The following NELL1 variants were observed in gnomAD, a reference collection of about 807,000 sequenced individuals.
NELL1 encodes the protein protein kinase C-binding protein NELL1.
Under a neutral mutation model 107.4 loss-of-function variants are expected in NELL1, and 76 were observed. The observed-to-expected ratio is 0.71, with a 90% CI of 0.59 to 0.86. The LOEUF is 0.86. NELL1 is among the 40% of genes least tolerant of loss of function. The pLI, the probability that NELL1 is intolerant of heterozygous loss-of-function variation, is 0.00. For missense variants in NELL1, 1,024 were observed against 1,005.5 expected (o/e 1.02, Z -0.25); for synonymous variants, 353 against 341.2 (o/e 1.03, Z -0.38).
At chr11:21,246,070 G>C (rs1858483591) in intron 14 of NELL1, among the ~76,000 whole-genome samples, 1 of 151,944 alleles carries the variant, frequency 6.6e-6, no homozygotes, top group Non-Finnish European at 1.5e-5. Context: ...ATATAGTAAA[G>C]TATGACCATA....
In NELL1 at chr11:21,074,388, A is replaced by G. The variant is rs181458561; in HGVS notation, c.1301-39201A>G. Among the ~76,000 whole-genome samples the G allele has an allele frequency of 2.7e-5, 4 of 149,398 alleles. No homozygotes were observed. The East Asian group carries it at 5.8e-4, about 22-fold the overall frequency. On this transcript the variant is annotated intron_variant, in intron 12 of 19. Transcript: ENST00000357134. ...GGTATTTGTTAAATTTAATTAAAAC[A>G]TTTTTTTAACAGTAACTCAGATCTA... is the stretch of plus-strand genomic sequence containing the variant.
intron 12 of NELL1, among the ~76,000 whole-genome samples, chr11:21,080,391 C>A (rs997209264): frequency 1.3e-5 from 2 of 151,878 alleles, no homozygotes; most frequent in South Asian, 4.1e-4. Context: ...AAAATATGTA[C>A]GTATAGATTT....
At chr11:21,461,356 T>C (rs1407246565) in intron 15 of NELL1, among the ~76,000 whole-genome samples, 1 of 152,100 alleles carries the variant, frequency 6.6e-6, no homozygotes, top group African/African-American at 2.4e-5. Context: ...ATAAGAAAGG[T>C]TCTGAGCAGT....
At chr11:20,708,803 G>A (rs1855039872) in intron 2 of NELL1, among the ~76,000 whole-genome samples, 1 of 152,148 alleles carries the variant, frequency 6.6e-6, no homozygotes, top group South Asian at 2.1e-4. Context: ...CTAAGCGAAT[G>A]TCTGGAACAG....
At chr11:20,745,240 C>T (rs1243778655) in intron 2 of NELL1, among the ~76,000 whole-genome samples, 2 of 152,090 alleles carry the variant, frequency 1.3e-5, no homozygotes, top group South Asian at 2.1e-4. Flanking sequence ...TTTGTCCAGC[C>T]ATCTAATTTT....
At chr11:21,169,818 C>G (rs1301610080) in intron 13 of NELL1, 5 of 1,402,622 alleles carry the variant, frequency 3.6e-6, no homozygotes, top group Non-Finnish European at 5.0e-6. Flanking sequence ...AATCAGCCTG[C>G]TGAGCCCGAT....
At chr11:21,456,154 A>G (rs1319110604) in intron 15 of NELL1, among the ~76,000 whole-genome samples, 2 of 151,898 alleles carry the variant, frequency 1.3e-5, no homozygotes, top group African/African-American at 2.4e-5. Context: ...CAGCCTCCCA[A>G]AGTGCTGGGA....
At chr11:21,324,578 T>C (rs1325036173) in intron 14 of NELL1, among the ~76,000 whole-genome samples, 3 of 152,080 alleles carry the variant, frequency 2.0e-5, no homozygotes, top group Non-Finnish European at 4.4e-5. Flanking sequence ...TCAGTCAACA[T>C]TGATGTTTTG....
chr11:21,538,105 A>T (rs575135145), intron 16 of NELL1, among the ~76,000 whole-genome samples: 1 of 152,218 alleles, frequency 6.6e-6, no homozygotes, highest in Admixed American at 6.5e-5. Flanking sequence ...TCAGCATCTA[A>T]AATAACCCTT....
At chr11:21,344,522 TTC>T (rs1491337930) in intron 14 of NELL1, among the ~76,000 whole-genome samples, 1 of 152,188 alleles carries the variant, frequency 6.6e-6, no homozygotes, top group Non-Finnish European at 1.5e-5. Flanking sequence ...TCTTTTTTTT[TTC>T]TCTGTTTAAA....
intron 12 of NELL1, among the ~76,000 whole-genome samples, chr11:21,029,744 A>G (rs1188764867): frequency 6.6e-6 from 1 of 152,186 alleles, no homozygotes; most frequent in African/African-American, 2.4e-5. Flanking sequence ...GGTTGAATAA[A>G]GGGCATGGAA....
intron 3 of NELL1, among the ~76,000 whole-genome samples, chr11:20,814,457 C>T (rs1046482788): frequency 9.2e-5 from 14 of 152,294 alleles, no homozygotes; most frequent in Non-Finnish European, 1.3e-4. Flanking sequence ...ACCCTCCCAC[C>T]GCTCTAAATA....
At chr11:21,296,775 G>A (rs1849384622) in intron 14 of NELL1, among the ~76,000 whole-genome samples, 1 of 151,632 alleles carries the variant, frequency 6.6e-6, no homozygotes, top group African/African-American at 2.4e-5. Flanking sequence ...AGTGGCTCTG[G>A]GTTGGGGAAA....
rs190885931 is a variant in NELL1 at position 20,997,896 on chromosome 11, C to T, written c.1300+37336C>T. On this transcript the variant is annotated intron_variant, in intron 12 of 19. Coordinates refer to ENST00000357134, the MANE Select transcript of NELL1 (RefSeq NM_006157.5). ...CTGAAGCAGGAGAATCACTTGAGCC[C>T]AGGAGTTCTAAATTTCAGTGAGCCA... Among the ~76,000 whole-genome samples the T allele has an allele frequency of 2.1e-3, 321 of 152,142 alleles. 5 individuals carry two copies. Among genetic ancestry groups the T allele is most frequent in the African/African-American group, 7.1e-3 (293 of 41,492 alleles).
chr11:20,714,556 C>T (rs1276585938), intron 2 of NELL1, among the ~76,000 whole-genome samples: 1 of 150,474 alleles, frequency 6.6e-6, no homozygotes, highest in Admixed American at 6.6e-5. Flanking sequence ...GGGTCTCACT[C>T]TCTAACCCAG....
At chr11:21,370,317 G>A (rs546187746) in intron 14 of NELL1, among the ~76,000 whole-genome samples, 1 of 151,918 alleles carries the variant, frequency 6.6e-6, no homozygotes, top group Non-Finnish European at 1.5e-5. Flanking sequence ...ACAAGGCATT[G>A]TTTTTATTAC....
intron 4 of NELL1, among the ~76,000 whole-genome samples, chr11:20,883,123 T>C (rs1849440901): frequency 3.4e-4 from 1 of 2,906 alleles, no homozygotes; most frequent in Non-Finnish European, 6.7e-4. Context: ...TGGAACAGAT[T>C]TGGCAGGGCT....
intron 3 of NELL1, among the ~76,000 whole-genome samples, chr11:20,798,743 T>C (rs1210395666): frequency 6.6e-6 from 1 of 152,230 alleles, no homozygotes; most frequent in Non-Finnish European, 1.5e-5. Context: ...TCAGAAGACC[T>C]GGACTCAAGG....
chr11:21,133,870 G>C (rs1452891001), intron 13 of NELL1, among the ~76,000 whole-genome samples: 1 of 152,192 alleles, frequency 6.6e-6, no homozygotes, highest in East Asian at 1.9e-4. Context: ...TGCACCTGGA[G>C]GGTGGGGCTC....
Sources: gnomAD v4.1 joint callset for allele counts (sites outside exome capture counted in the v4.1 genomes callset) on GRCh38, gnomAD v4.1.1 for gene constraint, MANE v1.5 for transcripts, NCBI Gene and HGNC (gene_info 2026-07-23, HGNC 2026-07-21) for gene names.